Variants in FNBP1 observed in about 807,000 individuals in gnomAD.
The protein encoded by FNBP1 is formin-binding protein 1.
In FNBP1, 26 loss-of-function variants were observed where a neutral mutation model predicts 90.6. The ratio of observed to expected loss-of-function variants is 0.29; its 90% CI spans 0.21 to 0.40. The LOEUF is 0.40. Ranked by LOEUF, FNBP1 falls within the 10% of genes least tolerant of loss-of-function variation. FNBP1 has a pLI of 1.00. For synonymous variants in FNBP1, 260 were observed against 265.2 expected (o/e 0.98, Z 0.19); for missense variants, 635 against 768.0 (o/e 0.83, Z 2.05).
At chr9:129,960,396 AAAAAAAAGAAAAAGAAAAAG>A (rs2047622772) in intron 4 of FNBP1, among the ~76,000 whole-genome samples, 2 of 145,590 alleles carry the variant, frequency 1.4e-5, no homozygotes, top group Non-Finnish European at 3.0e-5. Flanking sequence ...AAAAAAAAAA[AAAAAAAAGAAAAAGAAAAAG>A]AAAAAGAAAA....
At chr9:129,925,589 CTTTTTTT>C (rs576015094) in intron 8 of FNBP1, among the ~76,000 whole-genome samples, 4 of 67,118 alleles carry the variant, frequency 6.0e-5, no homozygotes, top group African/African-American at 1.2e-4. Flanking sequence ...TTCCTAGTAG[CTTTTTTT>C]TTTTTTTTTT....
intron 4 of FNBP1, among the ~76,000 whole-genome samples, chr9:129,963,979 C>T (rs895594785): frequency 6.6e-6 from 1 of 151,238 alleles, no homozygotes; most frequent in Admixed American, 6.6e-5. Flanking sequence ...AAAAACTATC[C>T]GTGCTGGGGG....
intron 2 of FNBP1, among the ~76,000 whole-genome samples, chr9:129,985,961 CAAAAAA>C (rs898462142): frequency 4.4e-5 from 2 of 45,124 alleles, no homozygotes; most frequent in South Asian, 1.7e-3. Context: ...AGCTCCATCT[CAAAAAA>C]AAAAAAAAAA....
chr9:129,936,858 G>A (rs2043538690), intron 6 of FNBP1, among the ~76,000 whole-genome samples: 1 of 152,068 alleles, frequency 6.6e-6, no homozygotes, highest in East Asian at 1.9e-4. Flanking sequence ...ATTTCTCTAG[G>A]ATTTGTCAAT....
intron 1 of FNBP1, among the ~76,000 whole-genome samples, chr9:130,015,684 T>C (rs2057158714): frequency 6.6e-6 from 1 of 152,168 alleles, no homozygotes; most frequent in African/African-American, 2.4e-5. Flanking sequence ...TTTGTTTTGT[T>C]TTGTTTTGGA....
At position 129,958,877 on chromosome 9, in the gene FNBP1, G is replaced by C. The variant is rs1212308135; in HGVS notation, c.346-324C>G. On this transcript the variant is annotated intron_variant, in intron 4 of 16. Coordinates refer to ENST00000446176, the MANE Select transcript of FNBP1 (RefSeq NM_015033.3). ...CACACTGATAGTCCCAGCTACTCTG[G>C]AGGCTGAGGTGGGAGGATCACCTAA... Among the ~76,000 whole-genome samples, 3 of 149,934 alleles carry C rather than the reference G, an allele frequency of 2.0e-5. No homozygotes were observed. The East Asian group carries it at 6.0e-4, about 30-fold the overall frequency.
At chr9:130,015,661 T>C (rs915227867) in intron 1 of FNBP1, among the ~76,000 whole-genome samples, 2 of 152,174 alleles carry the variant, frequency 1.3e-5, no homozygotes, top group East Asian at 3.8e-4. Flanking sequence ...TTGCTTTTTT[T>C]GCATTTATTT....
At chr9:129,917,841 G>A (rs2013425) in intron 10 of FNBP1, among the ~76,000 whole-genome samples, 122,043 of 152,110 alleles carry the variant, frequency 0.8, 49,284 homozygotes, top group East Asian at 0.88. Context: ...ATTCCAGCCC[G>A]CCTGTGAACT....
chr9:129,912,086 C>T (rs973191508), intron 11 of FNBP1, among the ~76,000 whole-genome samples: 5 of 152,192 alleles, frequency 3.3e-5, no homozygotes, highest in Admixed American at 2.6e-4. Context: ...CCTGGACTTG[C>T]GACTGGTGGG....
At chr9:129,942,173 A>G (rs2044425831) in intron 6 of FNBP1, among the ~76,000 whole-genome samples, 1 of 152,198 alleles carries the variant, frequency 6.6e-6, no homozygotes, top group African/African-American at 2.4e-5. Context: ...TAGAGGGAGG[A>G]CAAAAATAAA....
intron 16 of FNBP1, among the ~76,000 whole-genome samples, chr9:129,895,000 C>T (rs1169251970): frequency 2.0e-5 from 3 of 152,116 alleles, no homozygotes; most frequent in Admixed American, 2.0e-4. Context: ...GCGGAGGTTG[C>T]AGTGAGCCAC....
intron 1 of FNBP1, among the ~76,000 whole-genome samples, chr9:129,998,854 A>G (rs1177884979): frequency 6.6e-6 from 1 of 152,330 alleles, no homozygotes; most frequent in South Asian, 2.1e-4. Context: ...ATTCAGGACC[A>G]TTCTACAAGC....
chr9:130,019,752 A>G (rs1230038966), intron 1 of FNBP1, among the ~76,000 whole-genome samples: 1 of 152,050 alleles, frequency 6.6e-6, no homozygotes. Context: ...TTACTTATTT[A>G]TTATTTTTTA....
At chr9:129,939,336 C>A (rs2043976587) in intron 6 of FNBP1, among the ~76,000 whole-genome samples, 2 of 151,856 alleles carry the variant, frequency 1.3e-5, no homozygotes, top group Admixed American at 1.3e-4. Context: ...CTGCAGTGAG[C>A]CGAGACTGCA....
chr9:130,024,253 C>CA (rs879626823), intron 1 of FNBP1, among the ~76,000 whole-genome samples: 9 of 151,536 alleles, frequency 5.9e-5, no homozygotes, highest in Non-Finnish European at 7.4e-5. Context: ...CTACCCCCCC[C>CA]AAAAAAACAG....
chr9:130,047,647 TTA>T (rs2060068228), upstream of FNBP1, among the ~76,000 whole-genome samples: 1 of 34,008 alleles, frequency 2.9e-5, no homozygotes, highest in Non-Finnish European at 1.3e-4. Context: ...CCCTGTAAGT[TTA>T]TGTTTTTTTT....
chr9:130,053,568 C>A, the FNBP1 span: 1 of 289,512 alleles, frequency 3.5e-6, no homozygotes, highest in Non-Finnish European at 6.6e-6. Flanking sequence ...CGACACCGTG[C>A]GGCTGACACA....
At chr9:129,921,831 T>C (rs147543892) in intron 10 of FNBP1, among the ~76,000 whole-genome samples, 4,292 of 152,250 alleles carry the variant, frequency 0.028, 121 homozygotes, top group Non-Finnish European at 0.036. Context: ...ATCTCTCCTC[T>C]AGTTAATTAG....
chr9:129,899,905 A>G, intron 15 of FNBP1, 60 bp downstream of exon 15: 1 of 1,384,262 alleles, frequency 7.2e-7, no homozygotes, highest in Non-Finnish European at 9.6e-7. Context: ...GTGAAAGAAG[A>G]GTAACTCAGA....
Sources: gnomAD v4.1 joint callset for allele counts (sites outside exome capture counted in the v4.1 genomes callset) on GRCh38, gnomAD v4.1.1 for gene constraint, MANE v1.5 for transcripts, NCBI Gene and HGNC (gene_info 2026-07-23, HGNC 2026-07-21) for gene names.